The following NLRP8 variants were observed in gnomAD, a reference collection of about 807,000 sequenced individuals.
NLRP8 encodes the protein NLR family pyrin domain containing 8, also known as NACHT, LRR and PYD domains-containing protein 8.
NLRP8 carries 86 observed loss-of-function variants against 88.7 expected under a neutral mutation model. The ratio of observed to expected loss-of-function variants is 0.97; its 90% CI spans 0.81 to 1.16. NLRP8 has a LOEUF of 1.16. NLRP8 is among the 50% of genes most tolerant of loss of function. The pLI is 0.00. For missense variants in NLRP8, 1,342 were observed against 1,286.5 expected (o/e 1.04, Z -0.66); for synonymous variants, 504 against 494.6 (o/e 1.02, Z -0.25).
chr19:55,974,077 A>G (rs564084012), intron 7 of NLRP8, among the ~76,000 whole-genome samples: 1 of 152,102 alleles, frequency 6.6e-6, no homozygotes, highest in African/African-American at 2.4e-5. Context: ...ACTGCAGGGT[A>G]TTTTAAATTT....
At chr19:55,973,081 A>G (rs897201867) in intron 6 of NLRP8, among the ~76,000 whole-genome samples, 21 of 152,148 alleles carry the variant, frequency 1.4e-4, no homozygotes, top group African/African-American at 4.8e-4. Flanking sequence ...ATTTCCATCA[A>G]CAGTGTAAAA....
intron 8 of NLRP8, among the ~76,000 whole-genome samples, chr19:55,976,695 T>C (rs1018489172): frequency 1.3e-5 from 2 of 150,964 alleles, no homozygotes; most frequent in African/African-American, 4.9e-5. Flanking sequence ...GATATATATA[T>C]ACACATATAT....
chr19:55,987,851 C>T lies in NLRP8; in HGVS notation c.3085C>T (p.Pro1029Ser), dbSNP rs1023682875. Reference sequence around the variant, plus strand: ...CTGGACTCGAATAACTAGCTTCTCCCCAACTCCTCACCCACCCGACTTCAC... The same window carrying T: ...CTGGACTCGAATAACTAGCTTCTCCTCAACTCCTCACCCACCCGACTTCAC... Residue 1029 changes from proline to serine, a missense_variant, in exon 10 of 10, where the codon CCA becomes TCA. By Grantham distance (74) the Pro-to-Ser change is moderately conservative. Transcript: ENST00000291971. 3.1e-6 allele frequency: 5 copies of T among 1,614,054 alleles called. No individual in the cohort carries two copies. The South Asian group carries it at 5.5e-5, about 18-fold the overall frequency.
rs1253990826 is a variant in NLRP8, at chr19:55,957,679, AT to A, written c.2042+1580del. On this transcript the variant is annotated intron_variant, in intron 3 of 9. Transcript: ENST00000291971. ...AAAAAAGAAAAAATAATAATTATAT[AT>A]ATATATATATATATATATATATATA... Among the ~76,000 whole-genome samples the A allele has an allele frequency of 5.6e-3, 8 of 1,438 alleles. 1 individual carries two copies. The highest frequency in any genetic ancestry group is 0.011 in the African/African-American group (8 of 750). 0.9% of individuals were successfully genotyped at this position (1,438 alleles called of 152,430 possible).
At chr19:55,983,717 C>T (rs1418334324) in intron 9 of NLRP8, among the ~76,000 whole-genome samples, 1 of 145,564 alleles carries the variant, frequency 6.9e-6, no homozygotes, top group Non-Finnish European at 1.5e-5. Context: ...GTGGATGGAA[C>T]GTGCTGAGAT....
intron 9 of NLRP8, among the ~76,000 whole-genome samples, chr19:55,986,595 C>A (rs1343165414): frequency 6.6e-6 from 1 of 152,312 alleles, no homozygotes; most frequent in East Asian, 1.9e-4. Context: ...AGCCTCTTGC[C>A]AGCAGCAGCA....
chr19:55,956,271 T>C (rs533995083), intron 3 of NLRP8, among the ~76,000 whole-genome samples, 171 bp downstream of exon 3: 4 of 152,232 alleles, frequency 2.6e-5, no homozygotes, highest in African/African-American at 9.6e-5. Context: ...TGAGACAGAG[T>C]GTCACTCTGT....
chr19:55,970,205 A>G (rs1980011637), intron 5 of NLRP8, among the ~76,000 whole-genome samples: 1 of 152,250 alleles, frequency 6.6e-6, no homozygotes, highest in Admixed American at 6.5e-5. Flanking sequence ...TAATATACAC[A>G]TAAATGAAAA....
At chr19:55,949,637 G>C (rs78522745) in intron 1 of NLRP8, among the ~76,000 whole-genome samples, 3 of 152,116 alleles carry the variant, frequency 2.0e-5, no homozygotes, top group Non-Finnish European at 4.4e-5. Context: ...TGCAGAGAAG[G>C]GGGGACTACT....
intron 1 of NLRP8, among the ~76,000 whole-genome samples, chr19:55,949,611 C>A (rs1979003530): frequency 6.6e-6 from 1 of 152,126 alleles, no homozygotes. Flanking sequence ...CACCGGGGAT[C>A]TTGGAACATA....
intron 6 of NLRP8, among the ~76,000 whole-genome samples, chr19:55,971,771 G>A (rs1980084866): frequency 6.6e-6 from 1 of 152,086 alleles, no homozygotes; most frequent in Admixed American, 6.6e-5. Context: ...GTACGAATTG[G>A]CCAGAGCAAT....
rs1491285893 is a variant in NLRP8 at position 55,988,444 on chromosome 19, G to GTGTATATATATATATATATA, written c.*532_*533insGTATATATATATATATATAT. 9.4e-6 allele frequency: 1 copy of GTGTATATATATATATATATA among 106,488 alleles called. No homozygotes were observed. Among genetic ancestry groups the GTGTATATATATATATATATA allele is most frequent in the Non-Finnish European group, 1.8e-5 (1 of 54,140 alleles). 6.6% of individuals were successfully genotyped at this position (106,488 alleles called of 1,614,324 possible). A position where few individuals can be genotyped will look rare whatever the true frequency, so the allele number is the denominator to read the frequency against. ...CACATAAATATATATATGTGTGTGTGTATATATATATATATATATATATAT... is the reference window on the plus strand; with the variant it reads ...CACATAAATATATATATGTGTGTGTGTGTATATATATATATATATATATATATATATATATATATATATAT... On this transcript the variant is annotated 3_prime_UTR_variant, in exon 10 of 10. Coordinates refer to ENST00000291971, the MANE Select transcript of NLRP8 (RefSeq NM_176811.2).
chr19:55,978,789 G>A (rs1333123326), intron 8 of NLRP8, among the ~76,000 whole-genome samples: 2 of 152,118 alleles, frequency 1.3e-5, no homozygotes, highest in Admixed American at 1.3e-4. Context: ...GGGTGTGGTG[G>A]CATGTGCCTA....
intron 3 of NLRP8, 82 bp downstream of exon 3, chr19:55,956,182 T>A: frequency 7.5e-7 from 1 of 1,339,976 alleles, no homozygotes; most frequent in African/African-American, 1.5e-5. Context: ...AGGGGGTCAA[T>A]CTGCAAACCT....
rs745902097 is a variant in NLRP8, at chr19:55,954,816, A to G, written c.758A>G (p.Asp253Gly). 1 of 1,614,196 alleles carries G rather than the reference A, an allele frequency of 6.2e-7. No homozygotes were observed. The highest frequency in any genetic ancestry group is 1.1e-5 in the South Asian group (1 of 91,080). ...TGCCAAGAGGTGAACCAGACGACAG[A>G]CCAGAGCTTCTCCGAGCTGATTGAG... The change falls in exon 3 of 10, where the codon GAC (aspartate) becomes GGC (glycine). Residue 253 changes from aspartate (D) to glycine (G), a missense_variant. Physicochemically the swap from Asp to Gly is moderately conservative, Grantham distance 94 (BLOSUM62 -1). Coordinates refer to ENST00000291971, the MANE Select transcript of NLRP8 (RefSeq NM_176811.2).
intron 6 of NLRP8, among the ~76,000 whole-genome samples, chr19:55,973,193 G>A (rs950684200): frequency 6.6e-6 from 1 of 152,178 alleles, no homozygotes; most frequent in Non-Finnish European, 1.5e-5. Flanking sequence ...GCAGTTCCCT[G>A]ATACTTAGTC....
At chr19:55,986,510 T>C (rs12609232) in intron 9 of NLRP8, among the ~76,000 whole-genome samples, 1 of 111,580 alleles carries the variant, frequency 9.0e-6, no homozygotes, top group Non-Finnish European at 2.0e-5. Flanking sequence ...ACACACACAC[T>C]AATTGCTTCA....
Position 55,962,073 on chromosome 19 carries a change from A to C in NLRP8, c.2049A>C (p.Pro683=). 1 of 1,613,880 alleles carries C rather than the reference A, an allele frequency of 6.2e-7. No individual in the cohort carries two copies. Among genetic ancestry groups the C allele is most frequent in the Non-Finnish European group, 8.5e-7 (1 of 1,179,900 alleles). The change falls in exon 4 of 10, where the codon CCA becomes CCC. Residue 683 remains proline, a synonymous_variant. Transcript: ENST00000291971. ...TCTTCTCCCTTCCATGTAGAGCGCC[A>C]GAGAGCAATGGGCTGCATCGTTGGT...
rs368062290 is a variant in NLRP8 at position 55,980,617 on chromosome 19, T to C, written c.3047+1053T>C. On this transcript the variant is annotated intron_variant, in intron 9 of 9. Coordinates refer to ENST00000291971, the MANE Select transcript of NLRP8 (RefSeq NM_176811.2). ...GGGCCTCAGTTGTTCTCCAGGGAGT[T>C]GCTCATGACATTGCAGCTGGCTTCC... 2.0e-5 allele frequency among the ~76,000 whole-genome samples: 3 copies of C among 152,246 alleles called. No homozygotes were observed. The East Asian group carries it at 5.8e-4, about 29-fold the overall frequency.
Sources: allele counts gnomAD v4.1 joint callset (sites outside exome capture counted in the v4.1 genomes callset), GRCh38; gene constraint gnomAD v4.1.1; transcripts MANE v1.5; gene names NCBI Gene and HGNC (gene_info 2026-07-23, HGNC 2026-07-21).